The following IDE variants were observed in gnomAD, a reference collection of about 807,000 sequenced individuals.
IDE encodes the protein insulin degrading enzyme, also known as insulin-degrading enzyme.
In IDE, 58 loss-of-function variants were observed where a neutral mutation model predicts 133.2. That is an observed-to-expected ratio of 0.44 (90% CI 0.35 to 0.54). The LOEUF (loss-of-function observed/expected upper bound fraction) is 0.54, where lower values mean the gene tolerates loss of function less well. Ranked by LOEUF, IDE falls within the 20% of genes least tolerant of loss-of-function variation. The pLI is 0.00. For synonymous variants in IDE, 396 were observed against 421.3 expected (o/e 0.94, Z 0.73); for missense variants, 981 against 1,234.0 (o/e 0.79, Z 3.07).
intron 4 of IDE, among the ~76,000 whole-genome samples, chr10:92,530,055 G>A (rs912919054): frequency 5.3e-5 from 8 of 151,844 alleles, no homozygotes; most frequent in African/African-American, 1.7e-4. Context: ...GAGAAACCCC[G>A]CCTCTACTAA....
At chr10:92,557,259 AGGCACG>A (rs1220975948) in intron 1 of IDE, among the ~76,000 whole-genome samples, 3 of 152,124 alleles carry the variant, frequency 2.0e-5, no homozygotes, top group Admixed American at 2.0e-4. Flanking sequence ...TTAATGGGCC[AGGCACG>A]GCGGCTCACA....
intron 8 of IDE, 95 bp from the exon 9 acceptor site, chr10:92,507,761 G>C (rs772013813): frequency 5.2e-6 from 4 of 766,714 alleles, no homozygotes; most frequent in Non-Finnish European, 9.3e-6. Flanking sequence ...AGTGGAAGAT[G>C]GTCCCTCTTA....
chr10:92,492,318 C>G (rs1285478616), intron 11 of IDE, among the ~76,000 whole-genome samples: 1 of 151,830 alleles, frequency 6.6e-6, no homozygotes, highest in Non-Finnish European at 1.5e-5. Flanking sequence ...AAAGTGATGT[C>G]AAAAGATAAG....
intron 1 of IDE, among the ~76,000 whole-genome samples, chr10:92,551,566 C>CAAAAA (rs1232265058): frequency 9.6e-4 from 63 of 65,482 alleles, no homozygotes; most frequent in Non-Finnish European, 1.1e-3. Flanking sequence ...GACTCCATCT[C>CAAAAA]AAAAAAAAAA....
At chr10:92,479,134 TAA>T in intron 15 of IDE, 141 bp downstream of exon 15, 1 of 553,676 alleles carries the variant, frequency 1.8e-6, no homozygotes, top group East Asian at 3.0e-5. Flanking sequence ...AAAGCTAACT[TAA>T]AAATTAAATG....
intron 11 of IDE, among the ~76,000 whole-genome samples, chr10:92,500,530 T>C (rs1038316875): frequency 1.4e-4 from 22 of 152,256 alleles, no homozygotes; most frequent in African/African-American, 5.3e-4. Flanking sequence ...AGAAACAGAA[T>C]GTAGAATAGT....
intron 14 of IDE, chr10:92,480,599 G>T (rs142434050): frequency 2.0e-5 from 3 of 152,170 alleles, no homozygotes; most frequent in Non-Finnish European, 4.4e-5. Flanking sequence ...TGAGCCCTGG[G>T]GATATCTAAG....
At chr10:92,559,964 T>A (rs180972188) in intron 1 of IDE, among the ~76,000 whole-genome samples, 59 of 152,178 alleles carry the variant, frequency 3.9e-4, no homozygotes, top group African/African-American at 1.3e-3. Flanking sequence ...TTCCAACTCT[T>A]GGACTCAAGC....
intron 1 of IDE, among the ~76,000 whole-genome samples, chr10:92,550,694 A>AC (rs1349156331): frequency 6.8e-6 from 1 of 147,396 alleles, no homozygotes; most frequent in Non-Finnish European, 1.5e-5. Context: ...ACATGGTGAA[A>AC]CCCCGTTTCT....
chr10:92,545,422 C>G (rs1251769277), intron 1 of IDE, among the ~76,000 whole-genome samples: 1 of 152,172 alleles, frequency 6.6e-6, no homozygotes, highest in Non-Finnish European at 1.5e-5. Context: ...AATTCAGCTT[C>G]AACAACTAGA....
chr10:92,548,706 T>A (rs756203834), intron 1 of IDE, among the ~76,000 whole-genome samples: 1 of 152,316 alleles, frequency 6.6e-6, no homozygotes, highest in East Asian at 1.9e-4. Context: ...AAAACATTCA[T>A]TAGGTAGGCT....
chr10:92,570,950 T>C (rs1347623595), intron 1 of IDE, among the ~76,000 whole-genome samples: 6 of 151,330 alleles, frequency 4.0e-5, no homozygotes, highest in Admixed American at 3.3e-4. Context: ...CTGAACTTTT[T>C]CTCCCCTACC....
intron 21 of IDE, among the ~76,000 whole-genome samples, chr10:92,461,631 T>C (rs1023781437): frequency 3.9e-5 from 6 of 152,040 alleles, no homozygotes; most frequent in African/African-American, 1.2e-4. Context: ...GCCGGGATTA[T>C]AGGCGTGAGC....
chr10:92,550,800 GCA>G (rs1410516875), intron 1 of IDE, among the ~76,000 whole-genome samples: 1 of 152,180 alleles, frequency 6.6e-6, no homozygotes, highest in African/African-American at 2.4e-5. Flanking sequence ...AACCTGGAAG[GCA>G]GAGCTTGCAG....
rs141585305 is a variant in IDE at position 92,503,314 on chromosome 10, T to C, written c.1430+1480A>G. Among the ~76,000 whole-genome samples, 133 of 152,274 alleles carry C rather than the reference T, an allele frequency of 8.7e-4. 1 individual carries two copies. The highest frequency in any genetic ancestry group is 3.1e-3 in the African/African-American group (130 of 41,540). On this transcript the variant is annotated intron_variant, in intron 11 of 24. Coordinates refer to ENST00000265986, the MANE Select transcript of IDE (RefSeq NM_004969.4). ...TAATTATCTGTACTCATCCAAACAC[T>C]GTATCATAATATAAAAAAATCATTA...
chr10:92,533,174 G>C (rs1850037619), intron 3 of IDE, among the ~76,000 whole-genome samples: 1 of 152,100 alleles, frequency 6.6e-6, no homozygotes, highest in African/African-American at 2.4e-5. Flanking sequence ...TATACAAGTG[G>C]ATTTTTAGTT....
intron 1 of IDE, among the ~76,000 whole-genome samples, chr10:92,561,403 G>A (rs547373764): frequency 3.3e-5 from 5 of 152,300 alleles, no homozygotes; most frequent in Admixed American, 2.6e-4. Context: ...ATAAGATGAT[G>A]TGATAATCTT....
At chr10:92,459,022 T>C (rs906944893) in intron 22 of IDE, among the ~76,000 whole-genome samples, 6 of 152,230 alleles carry the variant, frequency 3.9e-5, no homozygotes, top group Non-Finnish European at 8.8e-5. Context: ...TCCATTTTTG[T>C]AGCCAAAATG....
chr10:92,572,806 G>A (rs1383396392), intron 1 of IDE: 6 of 801,622 alleles, frequency 7.5e-6, no homozygotes, highest in Non-Finnish European at 9.1e-6. Flanking sequence ...GCCCACGCCA[G>A]CCCTCACTCC....
Sources: gnomAD v4.1 joint callset for allele counts (sites outside exome capture counted in the v4.1 genomes callset) on GRCh38, gnomAD v4.1.1 for gene constraint, MANE v1.5 for transcripts, NCBI Gene and HGNC (gene_info 2026-07-23, HGNC 2026-07-21) for gene names.